The following REG4 variants were observed in gnomAD, a reference collection of about 807,000 sequenced individuals.
The protein encoded by REG4 is regenerating family member 4.
In REG4, 16 loss-of-function variants were observed where a neutral mutation model predicts 22.3. The ratio of observed to expected loss-of-function variants is 0.72; its 90% CI spans 0.49 to 1.09. The LOEUF is 1.09. REG4 is among the 50% of genes least tolerant of loss of function. REG4 has a pLI of 0.00. For synonymous variants in REG4, 71 were observed against 69.2 expected, an observed-to-expected ratio of 1.03 and a Z score of -0.13; for missense variants, 214 against 193.9, an observed-to-expected ratio of 1.10 and a Z score of -0.61.
In REG4 at chr1:119,794,835, T is replaced by G. The variant is rs1008486518; in HGVS notation, c.410-150A>C. ...AGCTAGACTATGATGTACAGTTGTT[T>G]GATTGCTGCGAAGGTGTTTTTTAGC... is the stretch of plus-strand genomic sequence containing the variant. On this transcript the variant is annotated intron_variant, in intron 5 of 5. Transcript: ENST00000256585. 6 of 720,110 alleles carry G rather than the reference T, an allele frequency of 8.3e-6. No homozygotes were observed. In the African/African-American group the frequency reaches 1.1e-4, roughly 13 times the overall value. 44.6% of individuals were successfully genotyped at this position (720,110 alleles called of 1,614,324 possible).
intron 2 of REG4, among the ~76,000 whole-genome samples, chr1:119,807,720 A>C (rs2101075704): frequency 1.3e-5 from 2 of 152,342 alleles, no homozygotes; most frequent in Admixed American, 1.3e-4. Flanking sequence ...GGTTGAAGAC[A>C]AAGAGCCATG....
In REG4 at chr1:119,798,546, G is replaced by T; in HGVS notation, c.360C>A (p.Gly120=). The change falls in exon 5 of 6, where the codon GGC becomes GGA. Residue 120 remains glycine (G), a synonymous_variant. Coordinates refer to ENST00000256585, the MANE Select transcript of REG4 (RefSeq NM_032044.4). ...GAMYLYRSWS[G]KSMGGNKHCA... Reference sequence around the variant, plus strand: ...AGTGCTTGTTCCCACCCATGGACTTGCCAGACCAGGATCTGTACAGATACA... The same window carrying T: ...AGTGCTTGTTCCCACCCATGGACTTTCCAGACCAGGATCTGTACAGATACA... 2 of 1,614,174 alleles carry T rather than the reference G, an allele frequency of 1.2e-6. No individual in the cohort carries two copies. The highest frequency in any genetic ancestry group is 1.1e-5 in the South Asian group (1 of 91,088).
Position 119,794,239 on chromosome 1 carries a change from A to G in REG4, c.*379T>C, listed in dbSNP as rs1424397367. ...CAATGGAGAGAGGGCAGAAGGGTGT[A>G]GAAGCTGAAGGGGTCTAGAAGCTTA... On this transcript the variant is annotated 3_prime_UTR_variant, in exon 6 of 6. Transcript: ENST00000256585. The G allele has an allele frequency of 1.8e-6, 1 of 543,520 alleles. No homozygotes were observed. Among genetic ancestry groups the G allele is most frequent in the East Asian group, 5.2e-5 (1 of 19,058 alleles). 33.7% of individuals were successfully genotyped at this position (543,520 alleles called of 1,614,324 possible).
At chr1:119,804,229 C>T (rs1234186697) in intron 2 of REG4, among the ~76,000 whole-genome samples, 1 of 152,178 alleles carries the variant, frequency 6.6e-6, no homozygotes, top group African/African-American at 2.4e-5. Context: ...TTTTCTCTCT[C>T]CTCATTCAAA....
At chr1:119,805,333 G>A (rs587645743) in intron 2 of REG4, among the ~76,000 whole-genome samples, 1 of 152,304 alleles carries the variant, frequency 6.6e-6, no homozygotes, top group South Asian at 2.1e-4. Context: ...TCTGAAAGAG[G>A]TGGCAAAGAG....
chr1:119,803,219 C>A, intron 2 of REG4, 54 bp from the exon 3 acceptor site: 5 of 1,480,398 alleles, frequency 3.4e-6, no homozygotes, highest in Non-Finnish European at 3.6e-6. Context: ...CAATCAATTC[C>A]CAGACTTGAT....
intron 1 of REG4, among the ~76,000 whole-genome samples, chr1:119,810,307 A>G (rs1175833019): frequency 1.3e-5 from 2 of 152,202 alleles, no homozygotes; most frequent in African/African-American, 4.8e-5. Flanking sequence ...TCCCTCCCAA[A>G]TAATTCTTAA....
chr1:119,803,114 T>A lies in REG4; in HGVS notation c.119A>T (p.Asn40Ile). Residue 40 changes from asparagine to isoleucine, a missense_variant, in exon 3 of 6, where the codon AAT becomes ATT. Coordinates refer to ENST00000256585, the MANE Select transcript of REG4 (RefSeq NM_032044.4). ...CAGCTTCCTGAAGTAACCATAGCAA[T>A]TGGACTTGTGGTAAAACCATCCAGG... ...CAPGWFYHKS[N>I]CYGYFRKLRN... 1 of 1,551,294 alleles carries A rather than the reference T, an allele frequency of 6.4e-7. No homozygotes were observed. Among genetic ancestry groups the A allele is most frequent in the Non-Finnish European group, 8.7e-7 (1 of 1,152,632 alleles).
Position 119,796,252 on chromosome 1 carries a change from C to T in REG4, c.410-1567G>A, listed in dbSNP as rs117046690. 9.9e-4 allele frequency among the ~76,000 whole-genome samples: 151 copies of T among 152,320 alleles called. 1 individual carries two copies. The East Asian group carries it at 0.026, about 26-fold the overall frequency. On this transcript the variant is annotated intron_variant, in intron 5 of 5. Transcript: ENST00000256585. ...TACCCTGGGCATTCAGAATGCAGAACCCATGCTCTTGACCTCAACGTATAC... is the reference window on the plus strand; with the variant it reads ...TACCCTGGGCATTCAGAATGCAGAATCCATGCTCTTGACCTCAACGTATAC...
intron 2 of REG4, among the ~76,000 whole-genome samples, chr1:119,806,001 G>A (rs587736948): frequency 5.3e-5 from 8 of 152,182 alleles, no homozygotes; most frequent in East Asian, 1.9e-4. Context: ...GCGCCATCTC[G>A]GCTCACTGCA....
rs1653878496 is a variant in REG4 at position 119,794,624 on chromosome 1, T to G, written c.471A>C (p.Arg157=). ...NKRQHFLCKY[R]P is the part of the protein sequence containing the mutation. Reference sequence around the variant, plus strand: ...CAGAATCTTGATTCTTGCTCTATGGTCGGTACTTGCACAGGAAGTGTTGGC... The same window carrying G: ...CAGAATCTTGATTCTTGCTCTATGGGCGGTACTTGCACAGGAAGTGTTGGC... Residue 157 remains arginine (R), a synonymous_variant, in exon 6 of 6, where the codon CGA becomes CGC. Coordinates refer to ENST00000256585, the MANE Select transcript of REG4 (RefSeq NM_032044.4). 3 of 1,613,842 alleles carry G rather than the reference T, an allele frequency of 1.9e-6. No homozygotes were observed. Among genetic ancestry groups the G allele is most frequent in the Non-Finnish European group, 2.5e-6 (3 of 1,179,842 alleles).
intron 5 of REG4, among the ~76,000 whole-genome samples, chr1:119,797,513 C>T (rs1653967455): frequency 6.6e-6 from 1 of 152,232 alleles, no homozygotes; most frequent in Non-Finnish European, 1.5e-5. Context: ...CCTCCCTACC[C>T]CAGCCCAATA....
chr1:119,801,655 T>G (rs1333115926), intron 3 of REG4: 1 of 152,294 alleles, frequency 6.6e-6, no homozygotes, highest in Non-Finnish European at 1.5e-5. Context: ...TCCATCAGCT[T>G]CCAGGGGTCT....
Position 119,799,713 on chromosome 1 carries a change from G to A in REG4, c.303+12C>T. The A allele has an allele frequency of 6.2e-7, 1 of 1,612,478 alleles. No homozygotes were observed. Among genetic ancestry groups the A allele is most frequent in the Non-Finnish European group, 8.5e-7 (1 of 1,179,220 alleles). The stretch of plus-strand genomic sequence containing the variant: ...TTCCCAAGAGGGCCTTTGTGGCCAA[G>A]TCTGAGGTTACCTTCTGTGGGTCGT... On this transcript the variant is annotated intron_variant, in intron 4 of 5. Transcript: ENST00000256585.
At chr1:119,802,988 C>A (rs760418542) in intron 3 of REG4, 80 bp downstream of exon 3, 1 of 1,596,164 alleles carries the variant, frequency 6.3e-7, no homozygotes, top group Non-Finnish European at 8.5e-7. Flanking sequence ...GACACTTGAT[C>A]CTGAATCAAA....
chr1:119,803,071 G>A lies in REG4; in HGVS notation c.162C>T (p.Ala54=), dbSNP rs202195883. The change falls in exon 3 of 6, where the codon GCC becomes GCT. Residue 54 remains alanine (A), a synonymous_variant. Transcript: ENST00000256585. Reference sequence around the variant, plus strand: ...AAGCAGGCAGCAAGTTTCTTACCTCGGCATCAGACCAGTTCCTCAGCTTCC... The same window carrying A: ...AAGCAGGCAGCAAGTTTCTTACCTCAGCATCAGACCAGTTCCTCAGCTTCC... ...YFRKLRNWSD[A]ELECQSYGNG... 16 of 1,605,078 alleles carry A rather than the reference G, an allele frequency of 1.0e-5. No homozygotes were observed. Among genetic ancestry groups the A allele is most frequent in the South Asian group, 2.2e-5 (2 of 89,254 alleles).
At chr1:119,803,233 G>C in intron 2 of REG4, 68 bp from the exon 3 acceptor site, 19 of 1,447,294 alleles carry the variant, frequency 1.3e-5, no homozygotes, top group Non-Finnish European at 1.6e-5. Context: ...ACTTGATACA[G>C]TTTGCAATCA....
intron 2 of REG4, among the ~76,000 whole-genome samples, chr1:119,806,869 G>C (rs1375581903): frequency 6.6e-6 from 1 of 152,166 alleles, no homozygotes; most frequent in Non-Finnish European, 1.5e-5. Flanking sequence ...TACTTTTCTT[G>C]TCTGTACAGT....
chr1:119,803,186 A>G, intron 2 of REG4, 21 bp from the exon 3 acceptor site: 1 of 1,502,174 alleles, frequency 6.7e-7, no homozygotes, highest in Non-Finnish European at 8.9e-7. Flanking sequence ...ACAAAAGGCA[A>G]TTGCACATTA....
Sources: gnomAD v4.1 joint callset for allele counts (sites outside exome capture counted in the v4.1 genomes callset) on GRCh38, gnomAD v4.1.1 for gene constraint, MANE v1.5 for transcripts, NCBI Gene and HGNC (gene_info 2026-07-23, HGNC 2026-07-21) for gene names.